The following MTFR1 variants were observed in gnomAD, a reference collection of about 807,000 sequenced individuals.
MTFR1 encodes mitochondrial fission regulator 1.
Under a neutral mutation model 38.8 loss-of-function variants are expected in MTFR1, and 28 were observed. The observed-to-expected ratio is 0.72, with a 90% CI of 0.53 to 0.99. The LOEUF (loss-of-function observed/expected upper bound fraction) is 0.99. MTFR1 is among the 50% of genes least tolerant of loss of function. The pLI, the probability that MTFR1 is intolerant of heterozygous loss-of-function variation, is 0.00. For synonymous variants in MTFR1, 145 were observed against 137.0 expected (o/e 1.06, Z -0.41); for missense variants, 358 against 395.5 (o/e 0.91, Z 0.81).
intron 4 of MTFR1, among the ~76,000 whole-genome samples, chr8:65,698,551 A>T (rs1160349644): frequency 6.6e-6 from 1 of 151,812 alleles, no homozygotes; most frequent in Non-Finnish European, 1.5e-5. Flanking sequence ...AAATGGAATT[A>T]AAAAAAAACT....
chr8:65,721,590 C>T (rs560208175), intron 3 of MTFR1, among the ~76,000 whole-genome samples: 1 of 152,214 alleles, frequency 6.6e-6, no homozygotes, highest in South Asian at 2.1e-4. Flanking sequence ...TAGATCTGTA[C>T]AACACTGACA....
At chr8:65,767,969 G>C (rs961584844) in intron 3 of MTFR1, among the ~76,000 whole-genome samples, 1 of 152,130 alleles carries the variant, frequency 6.6e-6, no homozygotes, top group Admixed American at 6.5e-5. Flanking sequence ...CTGGGTTTTG[G>C]GGGCTGGGAG....
chr8:65,750,152 C>A (rs1049650834), intron 3 of MTFR1, among the ~76,000 whole-genome samples: 4 of 152,150 alleles, frequency 2.6e-5, no homozygotes, highest in African/African-American at 9.7e-5. Context: ...GTAATCATTA[C>A]CATCCTGTGA....
rs779730616 is a variant in MTFR1 at position 65,724,871 on chromosome 8, C to G, written c.*48+5390C>G. ...CAAAGACAGATACTCATTCTGGCGA[C>G]TGATGTCTGTGGCTAGTATCAGAGC... On this transcript the variant is annotated intron_variant, in intron 3 of 3. Transcript: ENST00000521247. 1.9e-6 allele frequency: 3 copies of G among 1,611,076 alleles called. No individual in the cohort carries two copies. The East Asian group carries it at 6.7e-5, about 36-fold the overall frequency.
intron 2 of MTFR1, among the ~76,000 whole-genome samples, chr8:65,681,823 G>C (rs907222231): frequency 3.3e-5 from 5 of 152,052 alleles, no homozygotes; most frequent in Non-Finnish European, 7.4e-5. Context: ...AATATGCCTG[G>C]ATTTCAGCCT....
chr8:65,763,551 G>A (rs1278639253), intron 3 of MTFR1, among the ~76,000 whole-genome samples: 3 of 139,346 alleles, frequency 2.2e-5, no homozygotes, highest in African/African-American at 9.5e-5. Context: ...GGCAACAAGA[G>A]TGAAACTCCG....
intron 3 of MTFR1, among the ~76,000 whole-genome samples, chr8:65,683,132 CTTTTT>C (rs748824241): frequency 8.2e-6 from 1 of 121,686 alleles, no homozygotes; most frequent in African/African-American, 3.2e-5. Flanking sequence ...TTCTTTCTTT[CTTTTT>C]TTTTTTTTTT....
intron 1 of MTFR1, among the ~76,000 whole-genome samples, chr8:65,645,687 G>A (rs1056263585): frequency 4.6e-5 from 5 of 108,732 alleles, no homozygotes; most frequent in Non-Finnish European, 8.8e-5. Flanking sequence ...CATCACGCCC[G>A]GCTTTCCCCC....
downstream of MTFR1, among the ~76,000 whole-genome samples, chr8:65,715,235 G>A (rs1371820650): frequency 2.6e-5 from 4 of 151,906 alleles, no homozygotes; most frequent in Non-Finnish European, 1.5e-5. Flanking sequence ...AATATAGGTC[G>A]TATTTAAGTG....
At chr8:65,665,808 C>G (rs937717282) in intron 1 of MTFR1, among the ~76,000 whole-genome samples, 1 of 152,216 alleles carries the variant, frequency 6.6e-6, no homozygotes, top group Non-Finnish European at 1.5e-5. Flanking sequence ...ACTTTACCAA[C>G]TTTGGTTAAT....
downstream of MTFR1, among the ~76,000 whole-genome samples, chr8:65,713,770 G>C (rs1010328962): frequency 7.9e-5 from 12 of 152,092 alleles, no homozygotes; most frequent in African/African-American, 2.7e-4. Context: ...TGTAACCTCT[G>C]CCTCTTGGGT....
chr8:65,668,616 C>T (rs867614368), intron 1 of MTFR1, among the ~76,000 whole-genome samples: 1 of 147,240 alleles, frequency 6.8e-6, no homozygotes, highest in Non-Finnish European at 1.5e-5. Flanking sequence ...TGGCTTCAAG[C>T]GATTCTCCTG....
At chr8:65,672,505 C>G (rs564187930) in intron 2 of MTFR1, among the ~76,000 whole-genome samples, 2 of 151,512 alleles carry the variant, frequency 1.3e-5, no homozygotes, top group South Asian at 4.2e-4. Flanking sequence ...TAGTGAAATA[C>G]AGTGAATCAC....
intron 2 of MTFR1, among the ~76,000 whole-genome samples, chr8:65,675,176 C>T (rs1020334513): frequency 6.6e-6 from 1 of 152,084 alleles, no homozygotes; most frequent in Non-Finnish European, 1.5e-5. Flanking sequence ...CCGTAGTCCC[C>T]GCTACTCGGG....
chr8:65,766,850 GGT>G (rs1463050111), intron 3 of MTFR1, among the ~76,000 whole-genome samples: 1 of 152,128 alleles, frequency 6.6e-6, no homozygotes, highest in African/African-American at 2.4e-5. Context: ...TACCTTAATG[GGT>G]GTAATACTTA....
In MTFR1 at chr8:65,709,283, A is replaced by C; in HGVS notation, c.*239A>C. 2.3e-6 allele frequency: 1 copy of C among 433,194 alleles called. No individual in the cohort carries two copies. Among genetic ancestry groups the C allele is most frequent in the Non-Finnish European group, 4.2e-6 (1 of 240,710 alleles). The allele number at this position is 433,194 out of a possible 1,614,324, so 26.8% of individuals were successfully genotyped here. A position where few individuals can be genotyped will look rare whatever the true frequency, so the allele number is the denominator to read the frequency against. Reference sequence around the variant, plus strand: ...TCTGACATGTTTCTAATATGTGGCCAGGGCGTTCAGATTTCCAGTTTTGAA... The same window carrying C: ...TCTGACATGTTTCTAATATGTGGCCCGGGCGTTCAGATTTCCAGTTTTGAA... On this transcript the variant is annotated 3_prime_UTR_variant, in exon 8 of 8. Coordinates refer to ENST00000262146, the MANE Select transcript of MTFR1 (RefSeq NM_014637.4).
chr8:65,722,836 C>T (rs1806441494), intron 3 of MTFR1: 1 of 152,186 alleles, frequency 6.6e-6, no homozygotes, highest in African/African-American at 2.4e-5. Context: ...AGAAAAGTGA[C>T]TGACTCTGCC....
At position 65,709,089 on chromosome 8, in the gene MTFR1, G is replaced by T. The variant is rs943706233; in HGVS notation, c.*45G>T. 6.4e-7 allele frequency: 1 copy of T among 1,569,690 alleles called. No homozygotes were observed. The highest frequency in any genetic ancestry group is 8.8e-7 in the Non-Finnish European group (1 of 1,139,836). Reference sequence around the variant, plus strand: ...AGACTCCTGGTTCCCCTGTTGATTTGTGAGGGCCAAGTTTGCTAGTAGAAA... The same window carrying T: ...AGACTCCTGGTTCCCCTGTTGATTTTTGAGGGCCAAGTTTGCTAGTAGAAA... On this transcript the variant is annotated 3_prime_UTR_variant, in exon 8 of 8. Transcript: ENST00000262146.
chr8:65,670,903 A>T (rs764144356), intron 2 of MTFR1, among the ~76,000 whole-genome samples: 24 of 152,034 alleles, frequency 1.6e-4, no homozygotes, highest in Non-Finnish European at 3.4e-4. Context: ...ATGGGGTTCC[A>T]CTATGTTGGC....
Sources: gnomAD v4.1 joint callset for allele counts (sites outside exome capture counted in the v4.1 genomes callset) on GRCh38, gnomAD v4.1.1 for gene constraint, MANE v1.5 for transcripts, NCBI Gene and HGNC (gene_info 2026-07-23, HGNC 2026-07-21) for gene names.